Variants in GPHN observed in about 807,000 individuals in gnomAD.
GPHN encodes gephyrin.
In GPHN, 17 loss-of-function variants were observed where a neutral mutation model predicts 95.5. That is an observed-to-expected ratio of 0.18 (90% CI 0.12 to 0.27). GPHN has a LOEUF of 0.27. Ranked by LOEUF, GPHN falls within the 10% of genes least tolerant of loss-of-function variation. The pLI, the probability that GPHN is intolerant of heterozygous loss-of-function variation, is 1.00. For missense variants in GPHN, 660 were observed against 978.1 expected (o/e 0.67, Z 4.34); for synonymous variants, 320 against 322.5 (o/e 0.99, Z 0.08).
At chr14:67,341,753 G>A in the GPHN span, among the ~76,000 whole-genome samples, 2 of 152,254 alleles carry the variant, frequency 1.3e-5, no homozygotes, top group African/African-American at 2.4e-5. Context: ...AGGGGGAAAG[G>A]TGGGGAAAAG....
At chr14:67,388,356 G>T in the GPHN span, 1 of 1,056,140 alleles carries the variant, frequency 9.5e-7, no homozygotes, top group South Asian at 1.3e-5. Flanking sequence ...AAAGGGAAGA[G>T]TTGCACTCCC....
At chr14:67,281,089 G>C in the GPHN span, among the ~76,000 whole-genome samples, 1 of 151,698 alleles carries the variant, frequency 6.6e-6, no homozygotes, top group Non-Finnish European at 1.5e-5. Flanking sequence ...AGTAGAGACC[G>C]GGTTTCACCA....
chr14:66,965,460 A>C, intron 9 of GPHN, 135 bp downstream of exon 9: 1 of 834,412 alleles, frequency 1.2e-6, no homozygotes, highest in Non-Finnish European at 2.0e-6. Context: ...AGTGTAAGAT[A>C]GTTCCCACCC....
At chr14:67,079,401 A>G (rs1272851626) in intron 11 of GPHN, among the ~76,000 whole-genome samples, 1 of 152,104 alleles carries the variant, frequency 6.6e-6, no homozygotes, top group African/African-American at 2.4e-5. Flanking sequence ...TGTCCCTTTT[A>G]GCAATCATCC....
At chr14:67,001,370 T>C (rs974956366) in intron 9 of GPHN, among the ~76,000 whole-genome samples, 1 of 151,550 alleles carries the variant, frequency 6.6e-6, no homozygotes, top group Non-Finnish European at 1.5e-5. Flanking sequence ...TAATATGATA[T>C]GTTATAATGT....
intron 21 of GPHN, among the ~76,000 whole-genome samples, chr14:67,174,531 C>T (rs1381780975): frequency 3.9e-5 from 6 of 152,026 alleles, no homozygotes; most frequent in South Asian, 4.2e-4. Context: ...AATAGTGTCG[C>T]GATAAACATA....
At chr14:67,422,862 G>C in the GPHN span, among the ~76,000 whole-genome samples, 2 of 93,898 alleles carry the variant, frequency 2.1e-5, no homozygotes, top group Non-Finnish European at 4.1e-5. Flanking sequence ...ATGGAGTTTT[G>C]CTCTTGTTGC....
the GPHN span, among the ~76,000 whole-genome samples, chr14:67,264,175 A>C: frequency 2.6e-5 from 4 of 152,228 alleles, no homozygotes; most frequent in South Asian, 2.1e-4. Flanking sequence ...TGTTTATTTT[A>C]AAGTGTTTGT....
chr14:66,662,916 A>G lies in GPHN; in HGVS notation c.65-18191A>G, dbSNP rs181383263. Among the ~76,000 whole-genome samples the G allele has an allele frequency of 7.9e-5, 12 of 152,348 alleles. No homozygotes were observed. The East Asian group carries it at 2.3e-3, about 29-fold the overall frequency. ...TCTTTCTGAAATAAGACAGGCATAC[A>G]GGAATAGAGAAAAAAGAATGAAAAA... On this transcript the variant is annotated intron_variant, in intron 1 of 22. Transcript: ENST00000478722.
At chr14:67,727,062 C>A in the GPHN span, 3 of 1,614,082 alleles carry the variant, frequency 1.9e-6, no homozygotes, top group Non-Finnish European at 2.5e-6. Context: ...TCCTCGGTGG[C>A]TCACCACATT....
chr14:67,588,470 G>C, the GPHN span: 1 of 152,258 alleles, frequency 6.6e-6, no homozygotes, highest in Admixed American at 6.5e-5. Context: ...ATTTGCCCTA[G>C]CCTAAGAGTA....
chr14:66,906,885 G>T (rs1267178043), intron 5 of GPHN, among the ~76,000 whole-genome samples: 1 of 151,972 alleles, frequency 6.6e-6, no homozygotes, highest in African/African-American at 2.4e-5. Context: ...TATTTTTATG[G>T]TCACAGATAT....
the GPHN span, among the ~76,000 whole-genome samples, chr14:67,215,507 A>T: frequency 7.6e-6 from 1 of 131,732 alleles, no homozygotes; most frequent in Non-Finnish European, 1.5e-5. Context: ...AAGTACAAAG[A>T]TTAAAAAACA....
At chr14:66,540,494 G>A (rs2140056541) in intron 1 of GPHN, among the ~76,000 whole-genome samples, 1 of 152,220 alleles carries the variant, frequency 6.6e-6, no homozygotes, top group South Asian at 2.1e-4. Context: ...AAATAGAGAT[G>A]TATAATGTTT....
In GPHN at chr14:66,524,564, G is replaced by C. The variant is rs369752754; in HGVS notation, c.64+15973G>C. The stretch of plus-strand genomic sequence containing the variant: ...GCAGAACATGCAGGTTTGTTACATA[G>C]GTATACACGTGCCATGGTGGTTTGC... On this transcript the variant is annotated intron_variant, in intron 1 of 22. Coordinates refer to ENST00000478722, the MANE Select transcript of GPHN (RefSeq NM_020806.5). Among the ~76,000 whole-genome samples, 60 of 152,006 alleles carry C rather than the reference G, an allele frequency of 3.9e-4. 1 individual carries two copies. The East Asian group carries it at 8.7e-3, about 22-fold the overall frequency.
chr14:67,104,388 G>A (rs2077919617), intron 13 of GPHN, among the ~76,000 whole-genome samples: 1 of 152,174 alleles, frequency 6.6e-6, no homozygotes, highest in Non-Finnish European at 1.5e-5. Context: ...GAGTTTGGAA[G>A]AATTCCTTCC....
chr14:66,703,344 C>T (rs1226600758), intron 2 of GPHN, among the ~76,000 whole-genome samples: 1 of 152,100 alleles, frequency 6.6e-6, no homozygotes, highest in Non-Finnish European at 1.5e-5. Context: ...ACATAATCAT[C>T]AGATTCTCCA....
intron 1 of GPHN, among the ~76,000 whole-genome samples, chr14:66,527,999 G>A (rs2058758598): frequency 6.6e-6 from 1 of 152,140 alleles, no homozygotes; most frequent in South Asian, 2.1e-4. Context: ...GTCCAGAGCT[G>A]AGTTCAAGTC....
rs561999768 is a variant in GPHN, at chr14:66,908,103, C to T, written c.390-7900C>T. 3.9e-5 allele frequency among the ~76,000 whole-genome samples: 6 copies of T among 152,092 alleles called. No homozygotes were observed. In the South Asian group the frequency reaches 1.2e-3, roughly 32 times the overall value. ...AGCAGAGAGGGTCTAAAATAAATGACATATCAATATGAAATGATATAATTA... is the reference window on the plus strand; with the variant it reads ...AGCAGAGAGGGTCTAAAATAAATGATATATCAATATGAAATGATATAATTA... On this transcript the variant is annotated intron_variant, in intron 5 of 22. Coordinates refer to ENST00000478722, the MANE Select transcript of GPHN (RefSeq NM_020806.5).
Sources: allele counts gnomAD v4.1 joint callset (sites outside exome capture counted in the v4.1 genomes callset), GRCh38; gene constraint gnomAD v4.1.1; transcripts MANE v1.5; gene names NCBI Gene and HGNC (gene_info 2026-07-23, HGNC 2026-07-21).